Variants in SLC41A2 observed in about 807,000 individuals in gnomAD.
SLC41A2 encodes the protein SLC41A1-like 1.
A neutral mutation model predicts 58.3 loss-of-function variants in SLC41A2; 32 were observed. That is an observed-to-expected ratio of 0.55 (90% CI 0.41 to 0.74). The LOEUF is 0.74. Ranked by LOEUF, SLC41A2 falls within the 30% of genes least tolerant of loss-of-function variation. SLC41A2 has a pLI of 0.00. For missense variants in SLC41A2, 514 were observed against 680.6 expected, an observed-to-expected ratio of 0.76 and a Z score of 2.72; for synonymous variants, 190 against 235.0, an observed-to-expected ratio of 0.81 and a Z score of 1.75.
At chr12:104,879,999 G>C (rs961781306) in intron 6 of SLC41A2, among the ~76,000 whole-genome samples, 1 of 152,128 alleles carries the variant, frequency 6.6e-6, no homozygotes, top group South Asian at 2.1e-4. Context: ...TTCCGTGTAA[G>C]TTGGATTCCT....
At chr12:104,820,108 T>A (rs1592933357) in intron 10 of SLC41A2, among the ~76,000 whole-genome samples, 1 of 152,348 alleles carries the variant, frequency 6.6e-6, no homozygotes, top group South Asian at 2.1e-4. Flanking sequence ...GGTCTAATAA[T>A]GCTTTCAAAT....
intron 10 of SLC41A2, among the ~76,000 whole-genome samples, chr12:104,839,733 G>A (rs1050069717): frequency 6.6e-6 from 1 of 152,110 alleles, no homozygotes; most frequent in Non-Finnish European, 1.5e-5. Flanking sequence ...TCGAACTCCT[G>A]ACCTCGTGAT....
chr12:104,817,271 T>C (rs11614770), intron 10 of SLC41A2, among the ~76,000 whole-genome samples: 35,625 of 152,122 alleles, frequency 0.23, 5,468 homozygotes, highest in Non-Finnish European at 0.34. Flanking sequence ...TGAATGAAGA[T>C]TGCAGGACTG....
chr12:104,850,063 G>A (rs1268476346), intron 8 of SLC41A2, among the ~76,000 whole-genome samples: 1 of 152,084 alleles, frequency 6.6e-6, no homozygotes, highest in Admixed American at 6.6e-5. Context: ...AAGAATTAGA[G>A]AACAATTGCA....
At chr12:104,920,035 T>C (rs1379116253) in intron 2 of SLC41A2, among the ~76,000 whole-genome samples, 1 of 152,214 alleles carries the variant, frequency 6.6e-6, no homozygotes, top group African/African-American at 2.4e-5. Context: ...TGCCTATGGA[T>C]GTTGAATTGC....
At chr12:104,901,052 G>T (rs1484414348) in intron 3 of SLC41A2, among the ~76,000 whole-genome samples, 1 of 152,168 alleles carries the variant, frequency 6.6e-6, no homozygotes, top group Non-Finnish European at 1.5e-5. Context: ...GAGAAAGGTA[G>T]AGTGTTGCTA....
At position 104,903,589 on chromosome 12, in the gene SLC41A2, G is replaced by A. The variant is rs185283044; in HGVS notation, c.663+6066C>T. Among the ~76,000 whole-genome samples the A allele has an allele frequency of 3.3e-4, 50 of 152,358 alleles. No homozygotes were observed. In the East Asian group the frequency reaches 9.6e-3, roughly 29 times the overall value. On this transcript the variant is annotated intron_variant, in intron 3 of 10. Transcript: ENST00000258538. ...TTTCTAACAAGTTGCTGATGCTGCT[G>A]ATCAGAAGAGCACACTTTGAGAACT...
At chr12:104,883,089 C>A (rs941517880) in intron 6 of SLC41A2, among the ~76,000 whole-genome samples, 14 of 152,004 alleles carry the variant, frequency 9.2e-5, no homozygotes, top group African/African-American at 3.1e-4. Context: ...TCACTGATAC[C>A]CTTTCTTCCA....
intron 10 of SLC41A2, among the ~76,000 whole-genome samples, chr12:104,829,529 T>C (rs2041969471): frequency 6.6e-6 from 1 of 152,050 alleles, no homozygotes; most frequent in Non-Finnish European, 1.5e-5. Context: ...AGGAAACCTT[T>C]TGGAGGTGAA....
intron 6 of SLC41A2, among the ~76,000 whole-genome samples, chr12:104,872,129 T>C (rs1328875962): frequency 2.6e-5 from 4 of 151,198 alleles, no homozygotes; most frequent in Non-Finnish European, 5.9e-5. Context: ...AGATGGTATA[T>C]GAGATCAGTA....
chr12:104,909,039 T>C (rs2045969537), intron 3 of SLC41A2, among the ~76,000 whole-genome samples: 1 of 152,148 alleles, frequency 6.6e-6, no homozygotes, highest in Admixed American at 6.5e-5. Context: ...ACGACACAGA[T>C]CTACATTTAC....
rs1159635662 is a variant in SLC41A2 at position 104,802,093 on chromosome 12, C to T, written c.*3059G>A. The stretch of plus-strand genomic sequence containing the variant: ...TTTATTTGGCTATATCATTGATAGT[C>T]TATGGTGTGGAATTTTTGGACACCT... On this transcript the variant is annotated 3_prime_UTR_variant, in exon 11 of 11. Coordinates refer to ENST00000258538, the MANE Select transcript of SLC41A2 (RefSeq NM_001352171.3). 5.9e-5 allele frequency among the ~76,000 whole-genome samples: 9 copies of T among 152,020 alleles called. No homozygotes were observed. The highest frequency in any genetic ancestry group is 1.9e-4 in the African/African-American group (8 of 41,396).
At chr12:104,878,317 A>G (rs2044163265) in intron 6 of SLC41A2, among the ~76,000 whole-genome samples, 3 of 148,628 alleles carry the variant, frequency 2.0e-5, no homozygotes, top group Admixed American at 2.0e-4. Context: ...ATATATATAT[A>G]TATATATATA....
chr12:104,809,497 T>G (rs1488395997), intron 10 of SLC41A2, among the ~76,000 whole-genome samples: 2 of 152,254 alleles, frequency 1.3e-5, no homozygotes, highest in Non-Finnish European at 2.9e-5. Flanking sequence ...TAAGCCCTAT[T>G]GTCTTTTCCA....
chr12:104,952,487 G>A (rs1025975195), intron 1 of SLC41A2, among the ~76,000 whole-genome samples: 4 of 152,104 alleles, frequency 2.6e-5, no homozygotes, highest in African/African-American at 7.2e-5. Context: ...GTTTACATCC[G>A]AGTTAAGAAA....
At chr12:104,911,752 G>C (rs2046096424) in intron 2 of SLC41A2, among the ~76,000 whole-genome samples, 1 of 152,128 alleles carries the variant, frequency 6.6e-6, no homozygotes. Flanking sequence ...CTGGTTCAAA[G>C]AGTTCACAAG....
chr12:104,904,747 A>T (rs1254603665), intron 3 of SLC41A2, among the ~76,000 whole-genome samples: 1 of 151,112 alleles, frequency 6.6e-6, no homozygotes, highest in Non-Finnish European at 1.5e-5. Flanking sequence ...CTCTTAAGGC[A>T]TCGCGTCTGG....
In SLC41A2 at chr12:104,866,454, T is replaced by C. The variant is rs759121429; in HGVS notation, c.1153A>G (p.Ile385Val). 8.1e-6 allele frequency: 13 copies of C among 1,612,816 alleles called. No individual in the cohort carries two copies. In the Middle Eastern group the frequency reaches 1.2e-3, roughly 143 times the overall value. ...TVLHSGWEPVITAMVISSIGG... is the reference protein window; with the variant it reads ...TVLHSGWEPVVTAMVISSIGG... ...AACCTACTTATAACCATAGCTGTTA[T>C]GACAGGCTCCCAGCCTGAGTGGAGA... The change falls in exon 7 of 11, where the codon ATA (isoleucine) becomes GTA (valine). Residue 385 changes from isoleucine to valine, a missense_variant. Coordinates refer to ENST00000258538, the MANE Select transcript of SLC41A2 (RefSeq NM_001352171.3).
At chr12:104,878,467 C>T (rs954884961) in intron 6 of SLC41A2, among the ~76,000 whole-genome samples, 5 of 151,832 alleles carry the variant, frequency 3.3e-5, no homozygotes, top group African/African-American at 1.2e-4. Flanking sequence ...CCCCCGTCCC[C>T]CCACCCCACC....
Sources: gnomAD v4.1 joint callset for allele counts (sites outside exome capture counted in the v4.1 genomes callset) on GRCh38, gnomAD v4.1.1 for gene constraint, MANE v1.5 for transcripts, NCBI Gene and HGNC (gene_info 2026-07-23, HGNC 2026-07-21) for gene names.